FSTL5: variants seen among roughly 807,000 people sequenced by gnomAD.
The protein encoded by FSTL5 is follistatin-related protein 5.
A neutral mutation model predicts 89.1 loss-of-function variants in FSTL5; 62 were observed. The observed-to-expected ratio is 0.70, with a 90% CI of 0.57 to 0.86. The LOEUF (loss-of-function observed/expected upper bound fraction) is 0.86. FSTL5 is among the 40% of genes least tolerant of loss of function. FSTL5 has a pLI of 0.00. For synonymous variants in FSTL5, 383 were observed against 346.2 expected, an observed-to-expected ratio of 1.11 and a Z score of -1.18; for missense variants, 1,057 against 1,001.6, an observed-to-expected ratio of 1.06 and a Z score of -0.75.
intron 4 of FSTL5, among the ~76,000 whole-genome samples, chr4:161,831,733 C>A (rs1730852106): frequency 6.6e-6 from 1 of 151,644 alleles, no homozygotes; most frequent in Non-Finnish European, 1.5e-5. Flanking sequence ...TAATGTCACT[C>A]ATTAAATAAC....
intron 1 of FSTL5, among the ~76,000 whole-genome samples, chr4:162,130,769 C>A (rs1339489911): frequency 6.6e-6 from 1 of 151,980 alleles, no homozygotes; most frequent in African/African-American, 2.4e-5. Flanking sequence ...GTGATTTGCC[C>A]AAGATGAACA....
Position 161,384,283 on chromosome 4 carries a change from C to T in FSTL5, c.*1464G>A, listed in dbSNP as rs934916167. On this transcript the variant is annotated 3_prime_UTR_variant, in exon 16 of 16. Coordinates refer to ENST00000306100, the MANE Select transcript of FSTL5 (RefSeq NM_020116.5). ...ATTTAAAAAAGACCTTATTGGATTA[C>T]CTTAAGTAAATGGAGGTCATTTCAA... 5.3e-5 allele frequency: 8 copies of T among 151,976 alleles called. No homozygotes were observed. Among genetic ancestry groups the T allele is most frequent in the Non-Finnish European group, 1.2e-4 (8 of 67,966 alleles). 9.4% of individuals were successfully genotyped at this position (151,976 alleles called of 1,614,324 possible). A position where few individuals can be genotyped will look rare whatever the true frequency, so the allele number is the denominator to read the frequency against.
chr4:162,062,196 T>C (rs1213293864), intron 2 of FSTL5, among the ~76,000 whole-genome samples: 1 of 151,930 alleles, frequency 6.6e-6, no homozygotes, highest in Non-Finnish European at 1.5e-5. Context: ...TGTTTTATTA[T>C]AGATTAATAA....
At chr4:161,409,316 A>C (rs1424446985) in intron 15 of FSTL5, among the ~76,000 whole-genome samples, 1 of 152,138 alleles carries the variant, frequency 6.6e-6, no homozygotes, top group Non-Finnish European at 1.5e-5. Context: ...CAAACTAAGC[A>C]TCTTAAATTA....
At chr4:162,045,854 G>A (rs11942587) in intron 2 of FSTL5, among the ~76,000 whole-genome samples, 65,504 of 151,894 alleles carry the variant, frequency 0.43, 14,888 homozygotes, top group Middle Eastern at 0.56. Context: ...AGTATTCTTA[G>A]GCAACATTCC....
At chr4:161,396,600 G>A (rs1199228497) in intron 15 of FSTL5, among the ~76,000 whole-genome samples, 1 of 150,542 alleles carries the variant, frequency 6.6e-6, no homozygotes, top group Non-Finnish European at 1.5e-5. Flanking sequence ...GTTGCAGTAA[G>A]CTGAGATCGC....
At chr4:161,686,630 T>C (rs1021216176) in intron 6 of FSTL5, among the ~76,000 whole-genome samples, 1 of 151,584 alleles carries the variant, frequency 6.6e-6, no homozygotes, top group South Asian at 2.1e-4. Context: ...AAAGTGGACA[T>C]ATATTTGTAT....
intron 2 of FSTL5, among the ~76,000 whole-genome samples, chr4:162,091,561 C>T (rs1177523913): frequency 6.6e-6 from 1 of 152,112 alleles, no homozygotes; most frequent in African/African-American, 2.4e-5. Flanking sequence ...GCTAATGAAA[C>T]ATATGATCCA....
intron 4 of FSTL5, among the ~76,000 whole-genome samples, chr4:161,795,387 C>T (rs1192717851): frequency 1.3e-5 from 2 of 152,048 alleles, no homozygotes; most frequent in Non-Finnish European, 2.9e-5. Context: ...AGAAAACAGA[C>T]ACCAACAGGC....
intron 4 of FSTL5, among the ~76,000 whole-genome samples, chr4:161,789,142 T>G (rs1022657532): frequency 6.6e-6 from 1 of 152,162 alleles, no homozygotes; most frequent in South Asian, 2.1e-4. Flanking sequence ...CAAAAATATA[T>G]AGCTTAGTAA....
intron 3 of FSTL5, among the ~76,000 whole-genome samples, chr4:162,016,915 A>G (rs181323653): frequency 1.2e-3 from 181 of 152,326 alleles, no homozygotes; most frequent in African/African-American, 3.8e-3. Context: ...ACTAACCATC[A>G]GGATATCTGT....
chr4:161,430,005 A>C (rs1732298577), intron 15 of FSTL5, among the ~76,000 whole-genome samples: 1 of 152,174 alleles, frequency 6.6e-6, no homozygotes, highest in Non-Finnish European at 1.5e-5. Context: ...ACAGAGAAGG[A>C]ATTCAGAATC....
intron 4 of FSTL5, among the ~76,000 whole-genome samples, chr4:161,865,345 C>G (rs764377054): frequency 6.6e-6 from 1 of 152,080 alleles, no homozygotes; most frequent in Admixed American, 6.5e-5. Context: ...ATTAATTGTG[C>G]AAAGATCATT....
At chr4:161,802,128 T>C (rs1729816998) in intron 4 of FSTL5, among the ~76,000 whole-genome samples, 1 of 151,676 alleles carries the variant, frequency 6.6e-6, no homozygotes, top group South Asian at 2.1e-4. Context: ...TGAAAAACAA[T>C]GGATTATCTG....
intron 12 of FSTL5, among the ~76,000 whole-genome samples, chr4:161,497,208 C>A (rs1015813301): frequency 1.3e-5 from 2 of 151,782 alleles, no homozygotes; most frequent in African/African-American, 2.4e-5. Context: ...ATATATATTC[C>A]AATTATTTAA....
At chr4:161,626,956 T>C (rs1735335788) in intron 7 of FSTL5, among the ~76,000 whole-genome samples, 1 of 152,126 alleles carries the variant, frequency 6.6e-6, no homozygotes, top group Non-Finnish European at 1.5e-5. Context: ...ACAGATTACT[T>C]GCTTTTTATG....
At chr4:161,558,608 A>G (rs1470303144) in intron 8 of FSTL5, among the ~76,000 whole-genome samples, 1 of 151,792 alleles carries the variant, frequency 6.6e-6, no homozygotes, top group Non-Finnish European at 1.5e-5. Flanking sequence ...CTCTGCGTCC[A>G]CACCGTTCTG....
At chr4:161,503,540 G>T (rs1730373753) in intron 11 of FSTL5, among the ~76,000 whole-genome samples, 1 of 151,888 alleles carries the variant, frequency 6.6e-6, no homozygotes, top group Non-Finnish European at 1.5e-5. Context: ...TTCAACCAAT[G>T]CCATTTATTA....
Position 161,533,002 on chromosome 4 carries a change from C to T in FSTL5, c.1312+5164G>A, listed in dbSNP as rs79282814. On this transcript the variant is annotated intron_variant, in intron 10 of 15. Transcript: ENST00000306100. ...TCTTGAGTGAACAATAACATTAACGCAGAAATAAAAAAAAATCTTTGAAAT... is the reference window on the plus strand; with the variant it reads ...TCTTGAGTGAACAATAACATTAACGTAGAAATAAAAAAAAATCTTTGAAAT... 8.5e-3 allele frequency among the ~76,000 whole-genome samples: 1,206 copies of T among 141,662 alleles called. 20 individuals are homozygous for T. The highest frequency in any genetic ancestry group is 0.03 in the African/African-American group (1,165 of 38,926). 92.9% of individuals were successfully genotyped at this position (141,662 alleles called of 152,430 possible).
Sources: gnomAD v4.1 joint callset for allele counts (sites outside exome capture counted in the v4.1 genomes callset) on GRCh38, gnomAD v4.1.1 for gene constraint, MANE v1.5 for transcripts, NCBI Gene and HGNC (gene_info 2026-07-23, HGNC 2026-07-21) for gene names.